The following CSMD1 variants were observed in gnomAD, a reference collection of about 807,000 sequenced individuals.
CSMD1 encodes CUB and Sushi multiple domains 1.
CSMD1 carries 213 observed loss-of-function variants against 417.5 expected under a neutral mutation model. That is an observed-to-expected ratio of 0.51 (90% CI 0.46 to 0.57). The LOEUF is 0.57. Ranked by LOEUF, CSMD1 falls within the 20% of genes least tolerant of loss-of-function variation. The pLI is 0.00. For missense variants in CSMD1, 6,923 were observed against 4,529.7 expected (o/e 1.53, Z -15.17); for synonymous variants, 2,862 against 1,736.8 (o/e 1.65, Z -16.11).
intron 7 of CSMD1, among the ~76,000 whole-genome samples, chr8:3,638,669 C>T (rs936380187): frequency 1.3e-4 from 20 of 152,186 alleles, no homozygotes; most frequent in Non-Finnish European, 2.2e-4. Flanking sequence ...CTAGAAAGAA[C>T]GGTTCTGTGG....
At chr8:4,192,135 G>C (rs750774208) in intron 3 of CSMD1, among the ~76,000 whole-genome samples, 1 of 152,030 alleles carries the variant, frequency 6.6e-6, no homozygotes, top group African/African-American at 2.4e-5. Flanking sequence ...CAAATATGAC[G>C]CGTCTTCACT....
chr8:4,732,698 G>C (rs1301970403), intron 1 of CSMD1, among the ~76,000 whole-genome samples: 2 of 152,098 alleles, frequency 1.3e-5, no homozygotes, highest in African/African-American at 4.8e-5. Context: ...CTCTGACTAA[G>C]CAGACTTCCC....
chr8:3,701,511 A>ATTT (rs1554515922), intron 7 of CSMD1, among the ~76,000 whole-genome samples: 19 of 149,886 alleles, frequency 1.3e-4, no homozygotes, highest in South Asian at 2.1e-4. Context: ...ATTAAACCTT[A>ATTT]TTTTTTTTTT....
In CSMD1 at chr8:4,534,923, C is replaced by T. The variant is rs572477451; in HGVS notation, c.302+102419G>A. On this transcript the variant is annotated intron_variant, in intron 2 of 69. Transcript: ENST00000635120. ...GACTACAGGTGCCTGCCACCACGCC[C>T]GGCTTATTTCTGTATTTTTAATAGA... 3.9e-5 allele frequency among the ~76,000 whole-genome samples: 6 copies of T among 152,030 alleles called. No homozygotes were observed. The South Asian group carries it at 6.2e-4, about 16-fold the overall frequency.
intron 3 of CSMD1, among the ~76,000 whole-genome samples, chr8:4,264,425 T>G (rs1235888340): frequency 6.6e-6 from 1 of 152,158 alleles, no homozygotes; most frequent in African/African-American, 2.4e-5. Flanking sequence ...TCTAAGGATC[T>G]AGTTTAATAA....
intron 1 of CSMD1, among the ~76,000 whole-genome samples, chr8:4,871,858 C>A (rs537805926): frequency 6.6e-6 from 1 of 152,050 alleles, no homozygotes; most frequent in African/African-American, 2.4e-5. Flanking sequence ...CAGCAGGTCT[C>A]CAGTTGGTCA....
chr8:3,986,947 G>T (rs566685932), intron 5 of CSMD1, among the ~76,000 whole-genome samples: 1 of 152,004 alleles, frequency 6.6e-6, no homozygotes, highest in Non-Finnish European at 1.5e-5. Context: ...TATACAGGGC[G>T]TTTCACCATG....
chr8:3,999,438 T>C (rs1208867292), intron 4 of CSMD1, among the ~76,000 whole-genome samples: 1 of 152,210 alleles, frequency 6.6e-6, no homozygotes, highest in Non-Finnish European at 1.5e-5. Flanking sequence ...ATTTCTTTCA[T>C]CTTTCAGCGA....
intron 5 of CSMD1, among the ~76,000 whole-genome samples, chr8:3,876,743 G>T (rs747571989): frequency 2.6e-5 from 4 of 152,136 alleles, no homozygotes; most frequent in African/African-American, 4.8e-5. Flanking sequence ...CTGAGTACCT[G>T]GAAGCACAGG....
chr8:4,287,001 G>A (rs1224752101), intron 3 of CSMD1, among the ~76,000 whole-genome samples: 1 of 152,120 alleles, frequency 6.6e-6, no homozygotes, highest in Non-Finnish European at 1.5e-5. Flanking sequence ...AAGAAAAAGG[G>A]CTAAGTTTCA....
intron 42 of CSMD1, chr8:3,113,382 G>C (rs1461235384): frequency 1.3e-5 from 2 of 152,300 alleles, no homozygotes; most frequent in African/African-American, 4.8e-5. Flanking sequence ...GTTCACGTGG[G>C]AGAGAGCGTT....
At chr8:4,518,621 T>TGGGG (rs1162515744) in intron 2 of CSMD1, among the ~76,000 whole-genome samples, 1 of 84,246 alleles carries the variant, frequency 1.2e-5, no homozygotes, top group Non-Finnish European at 2.3e-5. Context: ...TGCTGTGGGG[T>TGGGG]GGGGGGCGGG....
intron 3 of CSMD1, among the ~76,000 whole-genome samples, chr8:4,113,196 A>T (rs748513072): frequency 5.3e-5 from 8 of 152,154 alleles, no homozygotes; most frequent in Middle Eastern, 3.4e-3. Context: ...CAATATTGAA[A>T]TTCGGACAGT....
chr8:3,669,074 C>A (rs11995411), intron 7 of CSMD1, among the ~76,000 whole-genome samples: 1,868 of 152,210 alleles, frequency 0.012, 43 homozygotes, highest in African/African-American at 0.043. Context: ...AACGACCCCA[C>A]TAGAAATATG....
intron 6 of CSMD1, among the ~76,000 whole-genome samples, chr8:3,740,700 A>G (rs1796755724): frequency 6.6e-6 from 1 of 152,188 alleles, no homozygotes; most frequent in Non-Finnish European, 1.5e-5. Context: ...GAAGCAAACA[A>G]AACAAACTGC....
chr8:4,190,873 T>C (rs1355717479), intron 3 of CSMD1, among the ~76,000 whole-genome samples: 1 of 151,088 alleles, frequency 6.6e-6, no homozygotes, highest in African/African-American at 2.4e-5. Flanking sequence ...CCACATGATC[T>C]GACTTCTAAG....
At position 3,348,028 on chromosome 8, in the gene CSMD1, T is replaced by C. The variant is rs1464407781; in HGVS notation, c.3438A>G (p.Thr1146=). ...TEAGKGIHLR[T]RSFQLFEGDT... ...CTCCTTCAAACAGCTGGAAGCTTCG[T>C]GTTCTAAGGTGGATGCCCTTGCCGG... Residue 1146 remains threonine (T), a synonymous_variant, in exon 22 of 70, where the codon ACA becomes ACG. Transcript: ENST00000635120. 4 of 1,607,880 alleles carry C rather than the reference T, an allele frequency of 2.5e-6. No individual in the cohort carries two copies. The highest frequency in any genetic ancestry group is 3.4e-5 in the Admixed American group (2 of 59,116).
At chr8:3,554,697 G>A (rs943200577) in intron 10 of CSMD1, among the ~76,000 whole-genome samples, 1 of 152,146 alleles carries the variant, frequency 6.6e-6, no homozygotes, top group African/African-American at 2.4e-5. Context: ...TCTCAGCCTG[G>A]CTTTGTTAAT....
At chr8:3,096,657 T>C (rs1241152583) in intron 47 of CSMD1, among the ~76,000 whole-genome samples, 192 bp downstream of exon 47, 1 of 152,216 alleles carries the variant, frequency 6.6e-6, no homozygotes, top group African/African-American at 2.4e-5. Context: ...ACAACAATCA[T>C]ATGGTAATGT....
Sources: allele counts gnomAD v4.1 joint callset (sites outside exome capture counted in the v4.1 genomes callset), GRCh38; gene constraint gnomAD v4.1.1; transcripts MANE v1.5; gene names NCBI Gene and HGNC (gene_info 2026-07-23, HGNC 2026-07-21).